The following SRP72 variants were observed in gnomAD, a reference collection of about 807,000 sequenced individuals.
SRP72 encodes signal recognition particle subunit SRP72.
In SRP72, 49 loss-of-function variants were observed where a neutral mutation model predicts 96.3. The ratio of observed to expected loss-of-function variants is 0.51; its 90% CI spans 0.40 to 0.65. The LOEUF (loss-of-function observed/expected upper bound fraction) is 0.65. Among genes scored for constraint, SRP72 ranks in the 30% least tolerant of loss-of-function variants. SRP72 has a pLI of 0.00. For synonymous variants in SRP72, 267 were observed against 275.2 expected, an observed-to-expected ratio of 0.97 and a Z score of 0.30; for missense variants, 736 against 793.3, an observed-to-expected ratio of 0.93 and a Z score of 0.87.
rs764826160 is a variant in SRP72 at position 56,467,631 on chromosome 4, C to A, written c.-5C>A. ...CTCCCCGCCCCGCCCCTCGTCTCCTCCAAGATGGCGAGCGGCGGCAGCGGG... is the reference window on the plus strand; with the variant it reads ...CTCCCCGCCCCGCCCCTCGTCTCCTACAAGATGGCGAGCGGCGGCAGCGGG... On this transcript the variant is annotated 5_prime_UTR_variant, in exon 1 of 19. Transcript: ENST00000642900. 2 of 1,555,992 alleles carry A rather than the reference C, an allele frequency of 1.3e-6. No homozygotes were observed. Among genetic ancestry groups the A allele is most frequent in the East Asian group, 2.5e-5 (1 of 39,794 alleles).
intron 3 of SRP72, 101 bp downstream of exon 3, chr4:56,471,944 C>A: frequency 4.9e-6 from 7 of 1,421,772 alleles, no homozygotes; most frequent in Non-Finnish European, 6.7e-6. Context: ...TCCTGATGCT[C>A]CACAAAACTG....
chr4:56,490,391 A>G lies in SRP72; in HGVS notation c.1379A>G (p.Tyr460Cys). The G allele has an allele frequency of 1.9e-6, 3 of 1,614,072 alleles. No individual in the cohort carries two copies. Among genetic ancestry groups the G allele is most frequent in the Non-Finnish European group, 1.7e-6 (2 of 1,179,978 alleles). The stretch of plus-strand genomic sequence containing the variant: ...GAAGCTGCAAACTTCAAACTCAAAT[A>G]TGGGCGGAAGAAGGAGGCAATTAGT... ...IREAANFKLK[Y>C]GRKKEAISDL... The change falls in exon 14 of 19, where the codon TAT (tyrosine) becomes TGT (cysteine). Residue 460 changes from tyrosine to cysteine, a missense_variant. By Grantham distance (194) the Tyr-to-Cys change is radical. This residue lies in a region of SRP72 where 388 missense variants were observed against 431.8 expected (regional missense o/e 0.90). Transcript: ENST00000642900.
rs73167389 is a variant in SRP72, at chr4:56,488,683, C to A, written c.1224+670C>A. On this transcript the variant is annotated intron_variant, in intron 12 of 18. Coordinates refer to ENST00000642900, the MANE Select transcript of SRP72 (RefSeq NM_006947.4). ...CCTTTTACCTTTCAAGGAATGTATC[C>A]ATTTCATTTAGGTTGCTGACTTTAT... Among the ~76,000 whole-genome samples, 249 of 152,162 alleles carry A rather than the reference C, an allele frequency of 1.6e-3. 1 individual carries two copies. Among genetic ancestry groups the A allele is most frequent in the African/African-American group, 5.8e-3 (241 of 41,522 alleles).
chr4:56,486,515 C>T, intron 11 of SRP72, 118 bp downstream of exon 11: 1 of 727,308 alleles, frequency 1.4e-6, no homozygotes, highest in Non-Finnish European at 2.1e-6. Context: ...ATAATAATTA[C>T]TGTTTCAAAC....
At chr4:56,500,409 TA>T in intron 17 of SRP72, 126 bp from the exon 18 acceptor site, 1 of 1,077,388 alleles carries the variant, frequency 9.3e-7, no homozygotes, top group Non-Finnish European at 1.3e-6. Flanking sequence ...TTATACAAAC[TA>T]AACTTTCTCA....
intron 11 of SRP72, among the ~76,000 whole-genome samples, chr4:56,487,682 TTC>T (rs1720764269): frequency 6.6e-6 from 1 of 152,224 alleles, no homozygotes; most frequent in Admixed American, 6.5e-5. Flanking sequence ...GCTGGGAGAC[TTC>T]TTTTCTGGTA....
chr4:56,499,976 A>T (rs1721204117), intron 17 of SRP72, among the ~76,000 whole-genome samples: 1 of 152,256 alleles, frequency 6.6e-6, no homozygotes. Flanking sequence ...AATGCCCATC[A>T]ATGATAGAGT....
intron 2 of SRP72, 131 bp from the exon 3 acceptor site, chr4:56,471,589 A>G (rs541078033): frequency 3.0e-6 from 3 of 995,324 alleles, no homozygotes; most frequent in South Asian, 2.1e-5. Flanking sequence ...ATATTTAGAC[A>G]AGTCTCTAAC....
At chr4:56,471,574 A>C (rs1202887100) in intron 2 of SRP72, 146 bp from the exon 3 acceptor site, 5 of 801,276 alleles carry the variant, frequency 6.2e-6, no homozygotes, top group Non-Finnish European at 7.4e-6. Flanking sequence ...TTTACAAGCT[A>C]TCTGATATTT....
intron 1 of SRP72, among the ~76,000 whole-genome samples, chr4:56,468,745 G>A (rs999922823): frequency 6.6e-6 from 1 of 152,142 alleles, no homozygotes; most frequent in Non-Finnish European, 1.5e-5. Context: ...CTACGAATTA[G>A]AATTATTTGA....
intron 17 of SRP72, 128 bp downstream of exon 17, chr4:56,495,522 A>C (rs1181168935): frequency 4.0e-6 from 2 of 502,580 alleles, no homozygotes; most frequent in Admixed American, 3.8e-5. Flanking sequence ...TATCTTGACT[A>C]TAGCTAACAT....
At chr4:56,490,697 CTTCT>C in intron 15 of SRP72, 52 bp downstream of exon 15, 1 of 1,423,788 alleles carries the variant, frequency 7.0e-7, no homozygotes. Flanking sequence ...CAATAGATCT[CTTCT>C]GATATCTGTG....
Position 56,502,617 on chromosome 4 carries a change from A to T in SRP72, c.*756A>T, listed in dbSNP as rs569211420. 4 of 151,600 alleles carry T rather than the reference A, an allele frequency of 2.6e-5. No individual in the cohort carries two copies. The highest frequency in any genetic ancestry group is 9.7e-5 in the African/African-American group (4 of 41,304). 9.4% of individuals were successfully genotyped at this position (151,600 alleles called of 1,614,324 possible). On this transcript the variant is annotated 3_prime_UTR_variant, in exon 19 of 19. Transcript: ENST00000642900. ...GAAAGAACTCAAGGAAAATATATCA[A>T]TGTAAGAAGTTCACTCTTAGACCCA...
At chr4:56,471,005 T>G (rs949822411) in intron 2 of SRP72, among the ~76,000 whole-genome samples, 1 of 152,156 alleles carries the variant, frequency 6.6e-6, no homozygotes, top group Non-Finnish European at 1.5e-5. Flanking sequence ...TTTTGCCGTG[T>G]TGGCCAGGCT....
chr4:56,497,699 C>T (rs973045212), intron 17 of SRP72, among the ~76,000 whole-genome samples: 1 of 151,780 alleles, frequency 6.6e-6, no homozygotes, highest in East Asian at 1.9e-4. Flanking sequence ...ATATTCTGTT[C>T]TTAACTTTGT....
intron 17 of SRP72, among the ~76,000 whole-genome samples, chr4:56,497,408 A>G (rs1485509100): frequency 1.3e-5 from 2 of 151,532 alleles, no homozygotes. Flanking sequence ...TTTAGTAGAG[A>G]CGGGGTTTCA....
At chr4:56,477,100 G>A (rs1318471842) in intron 6 of SRP72, 1 of 157,040 alleles carries the variant, frequency 6.4e-6, no homozygotes, top group African/African-American at 2.4e-5. Context: ...AATACAGTTG[G>A]TAAGCACTTC....
intron 8 of SRP72, 73 bp downstream of exon 8, chr4:56,478,722 T>C: frequency 1.4e-6 from 2 of 1,452,888 alleles, no homozygotes; most frequent in Non-Finnish European, 1.9e-6. Context: ...AGTTTTGTTC[T>C]AGGATAGCCT....
intron 15 of SRP72, 81 bp from the exon 16 acceptor site, chr4:56,491,350 A>G: frequency 6.8e-7 from 1 of 1,479,252 alleles, no homozygotes; most frequent in Non-Finnish European, 9.1e-7. Context: ...CAGTGTCAAT[A>G]GATACATTGG....
Sources: gnomAD v4.1 joint callset for allele counts (sites outside exome capture counted in the v4.1 genomes callset) on GRCh38, gnomAD v4.1.1 for gene constraint, gnomAD v4.1.1 regional missense constraint, MANE v1.5 for transcripts, NCBI Gene and HGNC (gene_info 2026-07-23, HGNC 2026-07-21) for gene names.